The following CPNE8 variants were observed in gnomAD, a reference collection of about 807,000 sequenced individuals.
CPNE8 encodes the protein copine 8.
CPNE8 carries 45 observed loss-of-function variants against 81.5 expected under a neutral mutation model. That is an observed-to-expected ratio of 0.55 (90% CI 0.44 to 0.71). The LOEUF (loss-of-function observed/expected upper bound fraction) is 0.71, where lower values mean the gene tolerates loss of function less well. Ranked by LOEUF, CPNE8 falls within the 30% of genes least tolerant of loss-of-function variation. The pLI, the probability that CPNE8 is intolerant of heterozygous loss-of-function variation, is 0.00. For synonymous variants in CPNE8, 252 were observed against 226.3 expected, an observed-to-expected ratio of 1.11 and a Z score of -1.02; for missense variants, 594 against 672.1, an observed-to-expected ratio of 0.88 and a Z score of 1.28.
intron 6 of CPNE8, among the ~76,000 whole-genome samples, chr12:38,796,915 G>T (rs918624594): frequency 6.6e-6 from 1 of 152,182 alleles, no homozygotes; most frequent in Non-Finnish European, 1.5e-5. Context: ...GGCTCAGAGG[G>T]TCCTACGTCC....
intron 6 of CPNE8, among the ~76,000 whole-genome samples, chr12:38,784,125 A>G (rs1442235313): frequency 6.6e-6 from 1 of 152,232 alleles, no homozygotes; most frequent in Non-Finnish European, 1.5e-5. Flanking sequence ...GATGACACAG[A>G]AAGTAATTCA....
chr12:38,745,578 T>C (rs1013060693), intron 10 of CPNE8, among the ~76,000 whole-genome samples: 4 of 152,188 alleles, frequency 2.6e-5, no homozygotes, highest in Admixed American at 2.6e-4. Context: ...GGTCTCCCTC[T>C]GTCTCCCAGG....
At chr12:38,896,417 T>C (rs897918703) in intron 1 of CPNE8, among the ~76,000 whole-genome samples, 36 of 152,102 alleles carry the variant, frequency 2.4e-4, no homozygotes, top group African/African-American at 8.4e-4. Flanking sequence ...TGAACATCAT[T>C]GGTCCCTGGG....
At position 38,658,773 on chromosome 12, in the gene CPNE8, T is replaced by C. The variant is rs191437444; in HGVS notation, c.1507-4703A>G. 5.9e-3 allele frequency among the ~76,000 whole-genome samples: 895 copies of C among 152,208 alleles called. 4 individuals are homozygous for C. Among genetic ancestry groups the C allele is most frequent in the African/African-American group, 0.019 (800 of 41,538 alleles). ...CATTCTTAAAGAAAAGAATTTTCAATCCAGAATTTCATATCCAGCCAAACT... is the reference window on the plus strand; with the variant it reads ...CATTCTTAAAGAAAAGAATTTTCAACCCAGAATTTCATATCCAGCCAAACT... On this transcript the variant is annotated intron_variant, in intron 19 of 19. Coordinates refer to ENST00000331366, the MANE Select transcript of CPNE8 (RefSeq NM_153634.3).
chr12:38,742,707 T>TAAAA (rs1260079429), intron 10 of CPNE8, among the ~76,000 whole-genome samples: 2 of 144,056 alleles, frequency 1.4e-5, no homozygotes, highest in South Asian at 2.3e-4. Flanking sequence ...AATAAATAAA[T>TAAAA]AAATATAAAA....
chr12:38,664,861 G>C (rs1346101204), intron 19 of CPNE8, among the ~76,000 whole-genome samples: 1 of 152,008 alleles, frequency 6.6e-6, no homozygotes. Flanking sequence ...TTGGACATTA[G>C]GGGGCACTGC....
chr12:38,799,905 T>A (rs903781462), intron 6 of CPNE8, among the ~76,000 whole-genome samples: 13 of 151,844 alleles, frequency 8.6e-5, no homozygotes, highest in African/African-American at 3.1e-4. Flanking sequence ...CTGACGCACC[T>A]GGAAAATCGG....
intron 5 of CPNE8, 147 bp downstream of exon 5, chr12:38,839,769 T>G (rs1489842952): frequency 1.7e-5 from 12 of 706,910 alleles, no homozygotes; most frequent in Non-Finnish European, 2.4e-5. Flanking sequence ...AATGTTTTTC[T>G]GGGGTTCTTT....
intron 10 of CPNE8, among the ~76,000 whole-genome samples, chr12:38,760,392 T>C (rs1480549250): frequency 6.7e-6 from 1 of 149,422 alleles, no homozygotes; most frequent in African/African-American, 2.5e-5. Flanking sequence ...CTATTTGGTC[T>C]GGCAATGACC....
rs1488517301 is a variant in CPNE8, at chr12:38,812,407, A to G, written c.407+16972T>C. Among the ~76,000 whole-genome samples the G allele has an allele frequency of 2.6e-5, 4 of 152,338 alleles. No individual in the cohort carries two copies. In the East Asian group the frequency reaches 7.7e-4, roughly 29 times the overall value. On this transcript the variant is annotated intron_variant, in intron 6 of 19. Coordinates refer to ENST00000331366, the MANE Select transcript of CPNE8 (RefSeq NM_153634.3). ...GAGAGGCCTCAGAAAACTTACAATC[A>G]TGGCAGAAGGGGAAGCAAACACATC...
intron 5 of CPNE8, 90 bp from the exon 6 acceptor site, chr12:38,829,545 T>A: frequency 1.2e-6 from 1 of 847,846 alleles, no homozygotes; most frequent in Non-Finnish European, 1.9e-6. Context: ...ATTGTTTTCA[T>A]TGCTGAAATA....
intron 6 of CPNE8, among the ~76,000 whole-genome samples, chr12:38,790,223 A>T (rs923132303): frequency 6.6e-6 from 1 of 151,744 alleles, no homozygotes; most frequent in African/African-American, 2.4e-5. Flanking sequence ...GATACAGAAA[A>T]TGTGATACTG....
intron 13 of CPNE8, chr12:38,720,527 C>A (rs1940534952): frequency 6.6e-6 from 1 of 152,058 alleles, no homozygotes; most frequent in Non-Finnish European, 1.5e-5. Context: ...AAGACAAAAA[C>A]TGAAAGAAAT....
chr12:38,856,898 C>A (rs1381758222), intron 3 of CPNE8, among the ~76,000 whole-genome samples: 3 of 151,520 alleles, frequency 2.0e-5, no homozygotes, highest in Non-Finnish European at 4.4e-5. Flanking sequence ...ACTTTAGATG[C>A]TTCACATTTA....
At chr12:38,727,038 G>A (rs1940716569) in intron 11 of CPNE8, among the ~76,000 whole-genome samples, 1 of 152,110 alleles carries the variant, frequency 6.6e-6, no homozygotes, top group Non-Finnish European at 1.5e-5. Context: ...AATGGACTAG[G>A]GAAGTCACTT....
At chr12:38,898,079 G>C (rs1944412291) in intron 1 of CPNE8, among the ~76,000 whole-genome samples, 1 of 152,108 alleles carries the variant, frequency 6.6e-6, no homozygotes, top group Non-Finnish European at 1.5e-5. Context: ...TCAGTCTTGA[G>C]TAAACTCAAA....
intron 19 of CPNE8, among the ~76,000 whole-genome samples, chr12:38,666,348 A>G (rs1179122642): frequency 6.6e-6 from 1 of 152,222 alleles, no homozygotes; most frequent in Non-Finnish European, 1.5e-5. Context: ...TATGACCTAA[A>G]TAACTTTCCA....
intron 6 of CPNE8, among the ~76,000 whole-genome samples, chr12:38,796,458 C>G (rs1349127015): frequency 6.6e-6 from 1 of 151,914 alleles, no homozygotes; most frequent in Non-Finnish European, 1.5e-5. Flanking sequence ...TCCTATTCAT[C>G]AAAGCATAGT....
At position 38,829,411 on chromosome 12, in the gene CPNE8, A is replaced by T. The variant is rs755969321; in HGVS notation, c.375T>A (p.Gly125=). 6.2e-7 allele frequency: 1 copy of T among 1,613,428 alleles called. No homozygotes were observed. The highest frequency in any genetic ancestry group is 1.7e-5 in the Admixed American group (1 of 60,006). The stretch of plus-strand genomic sequence containing the variant: ...GTTTTTCCAGGCGACTTCCCTGTGA[A>T]CCAACGATCTCTCCCAATGTACAAA... The part of the protein sequence containing the change: ...QVFCTLGEIV[G]SQGSRLEKPI... Residue 125 remains glycine, a synonymous_variant, in exon 6 of 20, where the codon GGT becomes GGA. Coordinates refer to ENST00000331366, the MANE Select transcript of CPNE8 (RefSeq NM_153634.3).
Sources: gnomAD v4.1 joint callset for allele counts (sites outside exome capture counted in the v4.1 genomes callset) on GRCh38, gnomAD v4.1.1 for gene constraint, MANE v1.5 for transcripts, NCBI Gene and HGNC (gene_info 2026-07-23, HGNC 2026-07-21) for gene names.